Variants in OVCH1 observed in about 807,000 individuals in gnomAD.
The protein encoded by OVCH1 is ovochymase 1.
OVCH1 carries 139 observed loss-of-function variants against 138.4 expected under a neutral mutation model. That is an observed-to-expected ratio of 1.00 (90% CI 0.87 to 1.16). OVCH1 has a LOEUF of 1.16. Among genes scored for constraint, OVCH1 ranks in the 50% most tolerant of loss-of-function variants. OVCH1 has a pLI of 0.00. For missense variants in OVCH1, 1,367 were observed against 1,357.9 expected (o/e 1.01, Z -0.11); for synonymous variants, 453 against 467.8 (o/e 0.97, Z 0.41).
rs754744444 is a variant in OVCH1, at chr12:29,487,894, C to CA, written c.703-13dup. ...CCTCCAGAGTCCCCCTTTCATGGTA[C>CA]AAAAAAAGAGAAAATTTGAAAATAG... is the stretch of plus-strand genomic sequence containing the variant. On this transcript the variant is annotated splice_polypyrimidine_tract_variant and intron_variant, in intron 6 of 27. Coordinates refer to ENST00000318184, the Ensembl canonical transcript of OVCH1. 3.8e-6 allele frequency: 6 copies of CA among 1,588,528 alleles called. No individual in the cohort carries two copies. Among genetic ancestry groups the CA allele is most frequent in the Middle Eastern group, 3.4e-4 (2 of 5,922 alleles).
chr12:29,434,550 GAAATTGAACAAA>G (rs1344123457), intron 26 of OVCH1, among the ~76,000 whole-genome samples: 1 of 151,772 alleles, frequency 6.6e-6, no homozygotes, highest in African/African-American at 2.4e-5. Context: ...AGAAGCACAA[GAAATTGAACAAA>G]AACAACAAAT....
chr12:29,410,564 C>A (rs4347427), downstream of OVCH1, among the ~76,000 whole-genome samples: 1 of 95,338 alleles, frequency 1.0e-5, no homozygotes, highest in Non-Finnish European at 2.6e-5. Flanking sequence ...CTCCTTCACT[C>A]ATGAAGCTTA....
chr12:29,475,047 A>G lies in OVCH1; in HGVS notation c.1600+14T>C. ...ATAAACAAAAGTCCTTATTACACAA[A>G]TGTTTATACTCACCTGAGGGCAAAA... On this transcript the variant is annotated intron_variant, in intron 14 of 27. Coordinates refer to ENST00000318184, the Ensembl canonical transcript of OVCH1. The G allele has an allele frequency of 6.4e-7, 1 of 1,574,350 alleles. No homozygotes were observed. Among genetic ancestry groups the G allele is most frequent in the South Asian group, 1.2e-5 (1 of 85,266 alleles).
At chr12:29,433,055 A>G (rs1941297520) in intron 27 of OVCH1, among the ~76,000 whole-genome samples, 1 of 152,212 alleles carries the variant, frequency 6.6e-6, no homozygotes, top group African/African-American at 2.4e-5. Flanking sequence ...GTCTTGCTAA[A>G]AAAAAGAGAA....
At chr12:29,413,490 A>T (rs1940987644) in intron 3 of OVCH1, among the ~76,000 whole-genome samples, 2 of 152,050 alleles carry the variant, frequency 1.3e-5, no homozygotes, top group Admixed American at 1.3e-4. Flanking sequence ...AGTACTTTAA[A>T]CTTTTCAAGT....
At chr12:29,477,831 T>C (rs1325148317) in intron 9 of OVCH1, among the ~76,000 whole-genome samples, 1 of 152,246 alleles carries the variant, frequency 6.6e-6, no homozygotes, top group Non-Finnish European at 1.5e-5. Flanking sequence ...TTTACACCTT[T>C]GATTACCTCA....
intron 3 of OVCH1, among the ~76,000 whole-genome samples, chr12:29,412,876 C>T (rs1320348305): frequency 6.6e-6 from 1 of 152,198 alleles, no homozygotes; most frequent in East Asian, 1.9e-4. Context: ...GAAACAAAGT[C>T]TCACGCTGTC....
At chr12:29,439,555 A>ACT in intron 25 of OVCH1, 1 of 1,227,080 alleles carries the variant, frequency 8.1e-7, no homozygotes, top group Non-Finnish European at 1.1e-6. Flanking sequence ...AACTACTGCT[A>ACT]CTCTCGGTAC....
chr12:29,466,447 G>A (rs561685506), intron 16 of OVCH1, among the ~76,000 whole-genome samples: 40 of 142,540 alleles, frequency 2.8e-4, no homozygotes, highest in African/African-American at 1.1e-3. Context: ...CAACATTGCC[G>A]AATTATGATC....
intron 16 of OVCH1, among the ~76,000 whole-genome samples, chr12:29,469,495 G>A (rs1942428760): frequency 6.6e-6 from 1 of 152,100 alleles, no homozygotes; most frequent in Non-Finnish European, 1.5e-5. Context: ...CAACTACAAT[G>A]ACCTTGAGAC....
chr12:29,404,762 C>G, the OVCH1 span, among the ~76,000 whole-genome samples: 1 of 152,034 alleles, frequency 6.6e-6, no homozygotes, highest in Non-Finnish European at 1.5e-5. Flanking sequence ...GTGGGTCACG[C>G]CTGTAATTCC....
At chr12:29,493,342 A>T (rs1246132205) in intron 4 of OVCH1, among the ~76,000 whole-genome samples, 3 of 152,026 alleles carry the variant, frequency 2.0e-5, no homozygotes, top group Admixed American at 6.5e-5. Context: ...CCATTCTTTT[A>T]GTGTGCTACA....
chr12:29,430,298 C>T (rs932813258), intron 27 of OVCH1, among the ~76,000 whole-genome samples: 1 of 152,192 alleles, frequency 6.6e-6, no homozygotes, highest in African/African-American at 2.4e-5. Flanking sequence ...GGCCCCCTGC[C>T]AGGAGGTGGC....
chr12:29,472,055 T>C (rs563286351), intron 15 of OVCH1, 73 bp from the exon 16 acceptor site: 5 of 1,349,798 alleles, frequency 3.7e-6, no homozygotes, highest in Non-Finnish European at 5.0e-6. Context: ...TAGCTTGCCA[T>C]AGTTAACAGT....
At chr12:29,441,663 C>CT (rs1941488208) in intron 25 of OVCH1, among the ~76,000 whole-genome samples, 1 of 152,130 alleles carries the variant, frequency 6.6e-6, no homozygotes, top group Non-Finnish European at 1.5e-5. Context: ...GCAAAAGAAA[C>CT]TAACATCAGA....
At chr12:29,409,345 G>A (rs554377045), downstream of OVCH1, among the ~76,000 whole-genome samples, 11 of 152,104 alleles carry the variant, frequency 7.2e-5, no homozygotes, top group South Asian at 2.3e-3. Flanking sequence ...CTTGCCTTCT[G>A]CTAGCTTTTG....
intron 21 of OVCH1, among the ~76,000 whole-genome samples, chr12:29,454,136 A>G (rs894264836): frequency 6.7e-6 from 1 of 150,244 alleles, no homozygotes; most frequent in Non-Finnish European, 1.5e-5. Context: ...TATAGATGAT[A>G]TGTACTTTGC....
downstream of OVCH1, chr12:29,423,258 G>A (rs78048353): frequency 1.5e-3 from 682 of 455,852 alleles, 3 homozygotes; most frequent in African/African-American, 0.013. Flanking sequence ...AAGCAGCACT[G>A]GATATCAAGA....
At chr12:29,437,066 C>T (rs558559214) in intron 26 of OVCH1, among the ~76,000 whole-genome samples, 24 of 152,004 alleles carry the variant, frequency 1.6e-4, no homozygotes, top group South Asian at 4.2e-4. Flanking sequence ...ACCTTTAGCT[C>T]GATACAGAGC....
Sources: gnomAD v4.1 joint callset for allele counts (sites outside exome capture counted in the v4.1 genomes callset) on GRCh38, gnomAD v4.1.1 for gene constraint, MANE v1.5 for transcripts, NCBI Gene and HGNC (gene_info 2026-07-23, HGNC 2026-07-21) for gene names.